Variants in CNST observed in about 807,000 individuals in gnomAD.
CNST encodes consortin, connexin sorting protein.
CNST carries 39 observed loss-of-function variants against 72.4 expected under a neutral mutation model. The observed-to-expected ratio is 0.54, with a 90% CI of 0.42 to 0.70. The LOEUF is 0.70. CNST is among the 30% of genes least tolerant of loss of function. The pLI is 0.00. For synonymous variants in CNST, 332 were observed against 320.1 expected (o/e 1.04, Z -0.40); for missense variants, 871 against 868.5 (o/e 1.00, Z -0.04).
chr1:246,655,647 T>C (rs192979399), intron 9 of CNST, among the ~76,000 whole-genome samples: 71 of 152,316 alleles, frequency 4.7e-4, no homozygotes, highest in African/African-American at 1.5e-3. Context: ...AATTGTAATA[T>C]ATATTATAGC....
chr1:246,629,072 C>T (rs1052664116), intron 3 of CNST, among the ~76,000 whole-genome samples: 7 of 152,122 alleles, frequency 4.6e-5, no homozygotes, highest in Non-Finnish European at 1.0e-4. Context: ...GCAGCAAACA[C>T]AATCTCTCTT....
intron 2 of CNST, among the ~76,000 whole-genome samples, chr1:246,593,022 C>T (rs1420035136): frequency 6.6e-6 from 1 of 152,200 alleles, no homozygotes; most frequent in Non-Finnish European, 1.5e-5. Flanking sequence ...ACAGATTTTA[C>T]ATCAGACTCT....
intron 10 of CNST, among the ~76,000 whole-genome samples, chr1:246,662,798 C>G (rs570071674): frequency 6.6e-6 from 1 of 152,202 alleles, no homozygotes; most frequent in African/African-American, 2.4e-5. Flanking sequence ...TTTTTTCACA[C>G]TAAGTATTCA....
chr1:246,580,889 C>T (rs550810931), intron 1 of CNST, among the ~76,000 whole-genome samples: 47 of 151,936 alleles, frequency 3.1e-4, no homozygotes, highest in Non-Finnish European at 4.9e-4. Flanking sequence ...TACAGGCGCG[C>T]GCCACCACAC....
Position 246,647,795 on chromosome 1 carries a change from G to A in CNST, c.1594G>A (p.Glu532Lys). The A allele has an allele frequency of 6.2e-7, 1 of 1,614,164 alleles. No homozygotes were observed. Among genetic ancestry groups the A allele is most frequent in the Non-Finnish European group, 8.5e-7 (1 of 1,180,040 alleles). The change falls in exon 9 of 11, where the codon GAA (glutamate) becomes AAA (lysine). Residue 532 changes from glutamate (E) to lysine (K), a missense_variant. Physicochemically the swap from Glu to Lys is moderately conservative, Grantham distance 56 (BLOSUM62 1). Transcript: ENST00000366513. ...TCCAGAGGTGTGTATGGCCCCAGAG[G>A]AAAAGGGAGATAAAGACGACCAACT... ...LLPEVCMAPEEKGDKDDQLNK... is the reference protein window; with the variant it reads ...LLPEVCMAPEKKGDKDDQLNK...
chr1:246,632,344 G>A lies in CNST; in HGVS notation c.616+420G>A, dbSNP rs914753410. The A allele has an allele frequency of 4.3e-5, 12 of 280,428 alleles. No homozygotes were observed. The East Asian group carries it at 7.6e-4, about 18-fold the overall frequency. The allele number at this position is 280,428 out of a possible 1,614,324, so 17.4% of individuals were successfully genotyped here. A position where few individuals can be genotyped will look rare whatever the true frequency, so the allele number is the denominator to read the frequency against. ...TGGGACCCGGGACATTGCCGCCCCC[G>A]TGATGGTGAATCTCGTCGTATCTGT... is the stretch of plus-strand genomic sequence containing the variant. On this transcript the variant is annotated intron_variant, in intron 4 of 10. Transcript: ENST00000366513.
chr1:246,583,896 A>G (rs1009971492), intron 1 of CNST, among the ~76,000 whole-genome samples: 1 of 152,244 alleles, frequency 6.6e-6, no homozygotes, highest in Admixed American at 6.5e-5. Flanking sequence ...AAAGTAGACA[A>G]TGAGGATGGC....
intron 2 of CNST, among the ~76,000 whole-genome samples, chr1:246,619,433 C>T (rs536617873): frequency 3.3e-5 from 5 of 152,222 alleles, no homozygotes; most frequent in South Asian, 4.1e-4. Context: ...AAGCACAGCA[C>T]GTGGAATTGT....
At chr1:246,637,147 A>C (rs1355930711) in intron 6 of CNST, among the ~76,000 whole-genome samples, 1 of 152,210 alleles carries the variant, frequency 6.6e-6, no homozygotes, top group Non-Finnish European at 1.5e-5. Context: ...CTGGACAACC[A>C]CTTATCTGTT....
chr1:246,659,411 G>T (rs376844075), intron 9 of CNST, among the ~76,000 whole-genome samples: 2 of 152,068 alleles, frequency 1.3e-5, no homozygotes, highest in African/African-American at 2.4e-5. Flanking sequence ...TGGCTAACTC[G>T]GTGAAACCCC....
intron 9 of CNST, among the ~76,000 whole-genome samples, chr1:246,656,876 G>A (rs1239033302): frequency 6.6e-6 from 1 of 152,154 alleles, no homozygotes; most frequent in Non-Finnish European, 1.5e-5. Flanking sequence ...GCTGCAGCGA[G>A]CTGTCAGCAT....
chr1:246,582,994 C>T (rs547078857), intron 1 of CNST, among the ~76,000 whole-genome samples: 27 of 152,154 alleles, frequency 1.8e-4, no homozygotes, highest in African/African-American at 3.4e-4. Context: ...CCCTGTTGTC[C>T]GCCCGTTAGC....
At chr1:246,580,215 T>A (rs530110293) in intron 1 of CNST, among the ~76,000 whole-genome samples, 44 of 152,336 alleles carry the variant, frequency 2.9e-4, no homozygotes, top group Non-Finnish European at 5.1e-4. Flanking sequence ...AGATTTTTTT[T>A]AAATAAATAA....
intron 4 of CNST, among the ~76,000 whole-genome samples, chr1:246,633,509 G>A (rs1281511566): frequency 6.6e-6 from 1 of 151,718 alleles, no homozygotes; most frequent in Non-Finnish European, 1.5e-5. Flanking sequence ...TTGGGAGGCC[G>A]AGGCAGGCAG....
chr1:246,643,657 T>C (rs535377016), intron 8 of CNST, among the ~76,000 whole-genome samples: 1 of 152,292 alleles, frequency 6.6e-6, no homozygotes, highest in Non-Finnish European at 1.5e-5. Context: ...CTAAGTACAT[T>C]GTATGGATTA....
At chr1:246,649,372 A>G (rs943111321) in intron 9 of CNST, among the ~76,000 whole-genome samples, 5 of 152,216 alleles carry the variant, frequency 3.3e-5, no homozygotes, top group African/African-American at 4.8e-5. Flanking sequence ...AATGTTAAAA[A>G]TAGTTTTTTA....
At chr1:246,611,607 G>GA (rs201671347) in intron 2 of CNST, among the ~76,000 whole-genome samples, 17 of 152,010 alleles carry the variant, frequency 1.1e-4, no homozygotes, top group Admixed American at 3.3e-4. Flanking sequence ...TTTAGAGATG[G>GA]AAAAAAACCA....
Position 246,591,495 on chromosome 1 carries a change from T to C in CNST, c.-51-17T>C. 6.4e-7 allele frequency: 1 copy of C among 1,559,914 alleles called. No individual in the cohort carries two copies. Among genetic ancestry groups the C allele is most frequent in the Non-Finnish European group, 8.7e-7 (1 of 1,148,806 alleles). On this transcript the variant is annotated splice_polypyrimidine_tract_variant and intron_variant, in intron 1 of 10. Transcript: ENST00000366513. ...AGGTTAGAAAATGAAGTAGCTTTTT[T>C]CTTTTTGTCATTGTAGACATGGAAG... is the stretch of plus-strand genomic sequence containing the variant.
intron 2 of CNST, among the ~76,000 whole-genome samples, chr1:246,609,953 CTT>C (rs746291840): frequency 2.0e-5 from 3 of 152,138 alleles, no homozygotes; most frequent in Non-Finnish European, 4.4e-5. Context: ...ATTTCTAAAA[CTT>C]TTATCTCCCC....
Sources: allele counts gnomAD v4.1 joint callset (sites outside exome capture counted in the v4.1 genomes callset), GRCh38; gene constraint gnomAD v4.1.1; transcripts MANE v1.5; gene names NCBI Gene and HGNC (gene_info 2026-07-23, HGNC 2026-07-21).